Variants in CACNA1B observed in about 807,000 individuals in gnomAD.
The protein encoded by CACNA1B is calcium voltage-gated channel subunit alpha1 B.
Under a neutral mutation model 247.2 loss-of-function variants are expected in CACNA1B, and 70 were observed. The observed-to-expected ratio is 0.28, with a 90% CI of 0.23 to 0.35. CACNA1B has a LOEUF of 0.35. CACNA1B is among the 10% of genes least tolerant of loss of function. The pLI, the probability that CACNA1B is intolerant of heterozygous loss-of-function variation, is 1.00. For missense variants in CACNA1B, 2,367 were observed against 3,197.4 expected (o/e 0.74, Z 6.26); for synonymous variants, 1,231 against 1,294.4 (o/e 0.95, Z 1.05).
At chr9:137,931,567 C>T (rs575246118) in intron 6 of CACNA1B, among the ~76,000 whole-genome samples, 5 of 152,184 alleles carry the variant, frequency 3.3e-5, no homozygotes, top group South Asian at 4.2e-4. Flanking sequence ...TCATTTCCCC[C>T]GAGATGTGAT....
At chr9:138,090,526 C>T (rs937495188) in intron 36 of CACNA1B, among the ~76,000 whole-genome samples, 3 of 151,956 alleles carry the variant, frequency 2.0e-5, no homozygotes, top group African/African-American at 7.2e-5. Context: ...CTCAAGAGCA[C>T]AGGCAACCAA....
intron 5 of CACNA1B, among the ~76,000 whole-genome samples, chr9:137,916,718 A>G (rs1189055611): frequency 6.6e-6 from 1 of 151,508 alleles, no homozygotes; most frequent in Non-Finnish European, 1.5e-5. Context: ...GGAGAGGTAC[A>G]GTCAGCGTGG....
intron 19 of CACNA1B, among the ~76,000 whole-genome samples, chr9:138,024,437 A>G (rs1958894506): frequency 6.6e-6 from 1 of 152,210 alleles, no homozygotes; most frequent in African/African-American, 2.4e-5. Flanking sequence ...GCCCAGGGTC[A>G]ACCCAGCCGC....
chr9:137,939,045 G>A (rs148098212), intron 6 of CACNA1B, among the ~76,000 whole-genome samples: 1,651 of 152,244 alleles, frequency 0.011, 36 homozygotes, highest in African/African-American at 0.037. Flanking sequence ...ACTCCAGCCT[G>A]GGTGACAGAG....
intron 6 of CACNA1B, among the ~76,000 whole-genome samples, chr9:137,948,133 A>G (rs1164414176): frequency 6.6e-6 from 1 of 151,826 alleles, no homozygotes; most frequent in Non-Finnish European, 1.5e-5. Flanking sequence ...AGCATGCACC[A>G]CCATGCCTGG....
chr9:137,985,855 G>A (rs1392493117), intron 13 of CACNA1B, among the ~76,000 whole-genome samples: 29 of 152,246 alleles, frequency 1.9e-4, no homozygotes, highest in Non-Finnish European at 2.9e-5. Flanking sequence ...GGATACCACA[G>A]AGAGTCTGCG....
intron 6 of CACNA1B, among the ~76,000 whole-genome samples, chr9:137,937,026 T>G (rs1957676550): frequency 6.6e-6 from 1 of 152,210 alleles, no homozygotes; most frequent in South Asian, 2.1e-4. Context: ...AGAAAGTCAT[T>G]GGTAGCTTGA....
At chr9:137,931,302 C>T (rs1957604953) in intron 6 of CACNA1B, among the ~76,000 whole-genome samples, 1 of 152,046 alleles carries the variant, frequency 6.6e-6, no homozygotes, top group Non-Finnish European at 1.5e-5. Flanking sequence ...TAGAGGTTTC[C>T]CATTGGTTAG....
chr9:138,121,668 G>T lies in CACNA1B; in HGVS notation c.6689G>T (p.Arg2230Leu). The T allele has an allele frequency of 6.2e-7, 1 of 1,613,050 alleles. No homozygotes were observed. The highest frequency in any genetic ancestry group is 8.5e-7 in the Non-Finnish European group (1 of 1,179,438). The change falls in exon 47 of 47, where the codon CGT becomes CTT. Residue 2230 changes from arginine to leucine, a missense_variant. Physicochemically the swap from Arg to Leu is moderately radical, Grantham distance 102. This residue lies in a region of CACNA1B where 773 missense variants were observed against 779.4 expected (regional missense o/e 0.99). Transcript: ENST00000371372. The surrounding 1 kb of genome is among the most constrained non-coding windows in gnomAD (Gnocchi z 6.8). The stretch of plus-strand genomic sequence containing the variant: ...GCCTTCTCCCCAGGCCGGCTCAGCC[G>T]TGGGCTTTCCGAACACAACGCCCTG... ...LPAFSPGRLS[R>L]GLSEHNALLQ...
At chr9:137,920,285 C>T (rs1957462800) in intron 6 of CACNA1B, among the ~76,000 whole-genome samples, 1 of 152,186 alleles carries the variant, frequency 6.6e-6, no homozygotes, top group South Asian at 2.1e-4. Context: ...CAACCTCTGC[C>T]TCCTTGGTTC....
At position 138,059,612 on chromosome 9, in the gene CACNA1B, C is replaced by A; in HGVS notation, c.4585-42C>A. Reference sequence around the variant, plus strand: ...ATATATACCTCTTTGCCAACAGAGCCCTCATCAGCCGCTGGCACTAACTGC... The same window carrying A: ...ATATATACCTCTTTGCCAACAGAGCACTCATCAGCCGCTGGCACTAACTGC... On this transcript the variant is annotated intron_variant, in intron 30 of 46. Coordinates refer to ENST00000371372, the MANE Select transcript of CACNA1B (RefSeq NM_000718.4). This position sits in a 1 kb window ranked among gnomAD's most constrained non-coding sequence, Gnocchi z 4.2. 2 of 1,133,992 alleles carry A rather than the reference C, an allele frequency of 1.8e-6. No individual in the cohort carries two copies. The highest frequency in any genetic ancestry group is 1.3e-6 in the Non-Finnish European group (1 of 742,246). 70.2% of individuals were successfully genotyped at this position (1,133,992 alleles called of 1,614,324 possible).
chr9:137,957,625 G>A lies in CACNA1B; in HGVS notation c.1271G>A (p.Ser424Asn), dbSNP rs199681577. The change falls in exon 10 of 47, where the codon AGC becomes AAC. Residue 424 changes from serine to asparagine, a missense_variant. Physicochemically the swap from Ser to Asn is conservative, Grantham distance 46. Coordinates refer to ENST00000371372, the MANE Select transcript of CACNA1B (RefSeq NM_000718.4). The surrounding 1 kb of genome is among the most constrained non-coding windows in gnomAD (Gnocchi z 4.7). Reference sequence around the variant, plus strand: ...CTGAAGAGAGCGGCCACCAAGAAGAGCAGAAATGACCTGATCCACGCAGAG... The same window carrying A: ...CTGAAGAGAGCGGCCACCAAGAAGAACAGAAATGACCTGATCCACGCAGAG... ...DVLKRAATKK[S>N]RNDLIHAEEG... 3.9e-5 allele frequency: 63 copies of A among 1,601,782 alleles called. No individual in the cohort carries two copies. The highest frequency in any genetic ancestry group is 5.2e-5 in the Non-Finnish European group (61 of 1,174,644).
At chr9:138,036,814 G>T (rs1425003133) in intron 20 of CACNA1B, among the ~76,000 whole-genome samples, 1 of 152,142 alleles carries the variant, frequency 6.6e-6, no homozygotes, top group Non-Finnish European at 1.5e-5. Context: ...TTGCTTTCTT[G>T]TGTATCATTT....
chr9:137,974,692 TG>T lies in CACNA1B; in HGVS notation c.1544-1214del, dbSNP rs1958197411. On this transcript the variant is annotated intron_variant, in intron 11 of 46. Transcript: ENST00000371372. The surrounding 1 kb of genome is among the most constrained non-coding windows in gnomAD (Gnocchi z 4.5). ...TTCCAGTGTCTGCTTTATCAGAAGT[TG>T]TGTCTGCTGAAGGTCCCGTGTCCCA... is the stretch of plus-strand genomic sequence containing the variant. Among the ~76,000 whole-genome samples, 1 of 152,148 alleles carries T rather than the reference TG, an allele frequency of 6.6e-6. No homozygotes were observed. Among genetic ancestry groups the T allele is most frequent in the Non-Finnish European group, 1.5e-5 (1 of 67,996 alleles).
At chr9:137,926,235 A>T (rs1477494998) in intron 6 of CACNA1B, among the ~76,000 whole-genome samples, 2 of 150,998 alleles carry the variant, frequency 1.3e-5, no homozygotes, top group Non-Finnish European at 2.9e-5. Flanking sequence ...GTGCCCAGCT[A>T]ATTTTTGTAT....
chr9:138,102,933 G>GC lies in CACNA1B; in HGVS notation c.5319+131dup, dbSNP rs1554758437. 1.1e-4 allele frequency: 64 copies of GC among 593,160 alleles called. No individual in the cohort carries two copies. The highest frequency in any genetic ancestry group is 1.7e-4 in the Non-Finnish European group (57 of 333,034). The allele number at this position is 593,160 out of a possible 1,614,324, so 36.7% of individuals were successfully genotyped here. ...CTGTCTGTCTGCCGCTCTGCTGTGC[G>GC]CCCCCGGCTGCCTCACTGTGTCTTT... On this transcript the variant is annotated intron_variant, in intron 38 of 46. Transcript: ENST00000371372. This position sits in a 1 kb window ranked among gnomAD's most constrained non-coding sequence, Gnocchi z 5.4.
chr9:137,921,570 C>G (rs1267423038), intron 6 of CACNA1B, among the ~76,000 whole-genome samples: 2 of 142,188 alleles, frequency 1.4e-5, no homozygotes, highest in Non-Finnish European at 3.0e-5. Flanking sequence ...CAGAGTAAAG[C>G]GTTCGGAGAA....
At chr9:138,043,997 C>A in intron 21 of CACNA1B, 97 bp downstream of exon 21, 4 of 1,446,110 alleles carry the variant, frequency 2.8e-6, no homozygotes, top group African/African-American at 1.4e-5. Context: ...ATTCTGCGCA[C>A]TTATGTAGAG....
At chr9:138,042,606 A>C (rs1959138661) in intron 20 of CACNA1B, among the ~76,000 whole-genome samples, 1 of 152,184 alleles carries the variant, frequency 6.6e-6, no homozygotes, top group Admixed American at 6.5e-5. Flanking sequence ...CTCAGATTAC[A>C]TAATTTTTGT....
Sources: gnomAD v4.1 joint callset for allele counts (sites outside exome capture counted in the v4.1 genomes callset) on GRCh38, gnomAD v4.1.1 for gene constraint, gnomAD v4.1.1 regional missense constraint, Gnocchi (gnomAD v3.1) non-coding constraint, MANE v1.5 for transcripts, NCBI Gene and HGNC (gene_info 2026-07-23, HGNC 2026-07-21) for gene names.